DCDC2C: variants seen among roughly 807,000 people sequenced by gnomAD.
The protein encoded by DCDC2C is doublecortin domain-containing protein 2C.
In DCDC2C, 44 loss-of-function variants were observed where a neutral mutation model predicts 45.0. The ratio of observed to expected loss-of-function variants is 0.98; its 90% CI spans 0.77 to 1.26. DCDC2C has a LOEUF of 1.26. Ranked by LOEUF, DCDC2C falls within the 50% of genes most tolerant of loss-of-function variation. DCDC2C has a pLI of 0.00. For synonymous variants in DCDC2C, 187 were observed against 178.8 expected (o/e 1.05, Z -0.37); for missense variants, 447 against 468.9 (o/e 0.95, Z 0.43).
intron 10 of DCDC2C, among the ~76,000 whole-genome samples, chr2:3,821,467 A>C (rs745676261): frequency 1.3e-5 from 2 of 152,164 alleles, no homozygotes; most frequent in African/African-American, 4.8e-5. Context: ...CTTCCTCCTG[A>C]TCATAAGGGG....
rs576377682 is a variant in DCDC2C, at chr2:3,706,451, G to A, written c.288-2098G>A. ...AATAATTACTTTTCAAAACAATGACGTGTCATATAAAGCCTAGAATTAATA... is the reference window on the plus strand; with the variant it reads ...AATAATTACTTTTCAAAACAATGACATGTCATATAAAGCCTAGAATTAATA... On this transcript the variant is annotated intron_variant, in intron 1 of 10. Transcript: ENST00000399143. 2.4e-3 allele frequency among the ~76,000 whole-genome samples: 367 copies of A among 152,166 alleles called. 3 individuals carry two copies. Among genetic ancestry groups the A allele is most frequent in the African/African-American group, 8.6e-3 (359 of 41,510 alleles).
chr2:3,844,614 C>T (rs996612110), intron 10 of DCDC2C: 4 of 152,160 alleles, frequency 2.6e-5, no homozygotes, highest in Admixed American at 1.3e-4. Context: ...AAAATAAAAG[C>T]GGACATTTTT....
intron 10 of DCDC2C, among the ~76,000 whole-genome samples, chr2:3,808,297 C>CT (rs1460368124): frequency 1.3e-5 from 2 of 152,182 alleles, no homozygotes; most frequent in Non-Finnish European, 2.9e-5. Context: ...CATTGCGCAT[C>CT]TTTTCATACG....
rs1435253096 is a variant in DCDC2C, at chr2:3,703,955, TG to T, written c.207del (p.His70ThrfsTer31). On this transcript the variant is annotated frameshift_variant, in exon 1 of 11. Transcript: ENST00000399143. LOFTEE classifies it high-confidence loss of function. The surrounding 1 kb of genome is among the most constrained non-coding windows in gnomAD (Gnocchi z 4.4). ...TGCGCCGCCTCTTCACGCCCACGCG[TG>T]GGCACCGGGTGCTGGGGCTGGACGC... ...GVRRLFTPTR[G>X]HRVLGLDALQ... 2 of 1,316,840 alleles carry T rather than the reference TG, an allele frequency of 1.5e-6. No homozygotes were observed. Among genetic ancestry groups the T allele is most frequent in the South Asian group, 2.1e-5 (1 of 48,676 alleles). 81.6% of individuals were successfully genotyped at this position (1,316,840 alleles called of 1,614,324 possible).
chr2:3,816,968 G>C (rs1671573106), intron 10 of DCDC2C, among the ~76,000 whole-genome samples: 1 of 152,208 alleles, frequency 6.6e-6, no homozygotes, highest in Non-Finnish European at 1.5e-5. Flanking sequence ...ACATGGAAGA[G>C]GTTACGAAAT....
Position 3,818,003 on chromosome 2 carries a change from T to A in DCDC2C, c.1066-29151T>A, listed in dbSNP as rs1305880364. Among the ~76,000 whole-genome samples, 1 of 151,964 alleles carries A rather than the reference T, an allele frequency of 6.6e-6. No homozygotes were observed. Among genetic ancestry groups the A allele is most frequent in the Non-Finnish European group, 1.5e-5 (1 of 67,988 alleles). ...CCGGACACAATCAGCAGGGAGAGCA[T>A]GTGTGTTTTCATGAAGAATTATGCC... On this transcript the variant is annotated intron_variant, in intron 10 of 10. Coordinates refer to ENST00000399143, the MANE Select transcript of DCDC2C (RefSeq NM_001287444.2). This position sits in a 1 kb window ranked among gnomAD's most constrained non-coding sequence, Gnocchi z 4.7.
rs2148041262 is a variant in DCDC2C, at chr2:3,708,589, A to G, written c.328A>G (p.Lys110Glu). Residue 110 changes from lysine (K) to glutamate (E), a missense_variant, in exon 2 of 11, where the codon AAG becomes GAG. Coordinates refer to ENST00000399143, the MANE Select transcript of DCDC2C (RefSeq NM_001287444.2). ...IVPRKPAKIRKLKEIKPVVHC... is the reference protein window; with the variant it reads ...IVPRKPAKIRELKEIKPVVHC... ...TCCCCGAAAACCTGCAAAGATAAGG[A>G]AGTTGAAGGAAGTAAGTGTTTGCTT... The G allele has an allele frequency of 6.5e-7, 1 of 1,549,010 alleles. No homozygotes were observed. The highest frequency in any genetic ancestry group is 1.4e-5 in the African/African-American group (1 of 73,134).
At chr2:3,752,735 A>G (rs1052666207) in intron 4 of DCDC2C, 28 bp from the exon 5 acceptor site, 10 of 1,549,532 alleles carry the variant, frequency 6.5e-6, no homozygotes, top group Non-Finnish European at 8.7e-6. Flanking sequence ...TCAAGTCTCT[A>G]TCTCATTTCT....
intron 10 of DCDC2C, among the ~76,000 whole-genome samples, chr2:3,806,311 C>G (rs1671241934): frequency 6.6e-6 from 1 of 152,238 alleles, no homozygotes; most frequent in Non-Finnish European, 1.5e-5. Flanking sequence ...TCTCCTCTCC[C>G]TGGAATCCCC....
chr2:3,828,822 T>C (rs1671887016), intron 10 of DCDC2C, among the ~76,000 whole-genome samples: 1 of 152,212 alleles, frequency 6.6e-6, no homozygotes, highest in South Asian at 2.1e-4. Flanking sequence ...TTTTGTGAGT[T>C]TGCAAGTTTC....
intron 6 of DCDC2C, among the ~76,000 whole-genome samples, chr2:3,755,421 GTGTA>G (rs1458292185): frequency 6.6e-6 from 1 of 152,128 alleles, no homozygotes; most frequent in Non-Finnish European, 1.5e-5. Context: ...AAATACATGT[GTGTA>G]TGGAGGCATG....
Position 3,703,723 on chromosome 2 carries a change from C to T in DCDC2C, c.-29C>T, listed in dbSNP as rs115046948. On this transcript the variant is annotated 5_prime_UTR_variant, in exon 1 of 11. Transcript: ENST00000399143. This position sits in a 1 kb window ranked among gnomAD's most constrained non-coding sequence, Gnocchi z 4.4. The stretch of plus-strand genomic sequence containing the variant: ...TGCCCGCGCTGCCGCAGCCTCTCGG[C>T]CCCGGCGAGCGAGGAGCGGGGCGCG... 4,853 of 1,227,756 alleles carry T rather than the reference C, an allele frequency of 4.0e-3. 167 individuals carry two copies. The African/African-American group carries it at 0.068, about 17-fold the overall frequency. The allele number at this position is 1,227,756 out of a possible 1,614,324, so 76.1% of individuals were successfully genotyped here. A position where few individuals can be genotyped will look rare whatever the true frequency, so the allele number is the denominator to read the frequency against.
chr2:3,813,039 GTATATATATATA>G (rs202152340), intron 10 of DCDC2C, among the ~76,000 whole-genome samples: 3,665 of 87,414 alleles, frequency 0.042, 138 homozygotes, highest in South Asian at 0.063. Flanking sequence ...TGAGAAGAAC[GTATATATATATA>G]TATATATATA....
intron 10 of DCDC2C, among the ~76,000 whole-genome samples, chr2:3,829,803 A>C (rs1013972): frequency 0.45 from 68,375 of 151,978 alleles, 15,436 homozygotes; most frequent in East Asian, 0.57. Flanking sequence ...CTCTCTCACC[A>C]CTCACAGAAT....
At chr2:3,783,770 T>C (rs963218711) in intron 9 of DCDC2C, among the ~76,000 whole-genome samples, 18 of 152,140 alleles carry the variant, frequency 1.2e-4, no homozygotes, top group African/African-American at 4.3e-4. Flanking sequence ...GTGGCCCCAG[T>C]AGAGGGGACT....
chr2:3,799,617 G>A (rs1367319817), intron 10 of DCDC2C, among the ~76,000 whole-genome samples: 2 of 136,062 alleles, frequency 1.5e-5, no homozygotes, highest in African/African-American at 2.7e-5. Context: ...GTCTGTTGGA[G>A]TACCTGGCCA....
At chr2:3,831,886 TG>T (rs1297513168) in intron 10 of DCDC2C, among the ~76,000 whole-genome samples, 2 of 152,232 alleles carry the variant, frequency 1.3e-5, no homozygotes, top group African/African-American at 4.8e-5. Context: ...ATCTAAAGGC[TG>T]AAAATGAAAA....
At chr2:3,794,286 A>G (rs1370652890) in intron 10 of DCDC2C, among the ~76,000 whole-genome samples, 2 of 152,218 alleles carry the variant, frequency 1.3e-5, no homozygotes. Context: ...CATCTTTAGA[A>G]AAGACTTTTA....
intron 6 of DCDC2C, among the ~76,000 whole-genome samples, chr2:3,759,140 G>A (rs2148137088): frequency 6.6e-6 from 1 of 152,264 alleles, no homozygotes; most frequent in East Asian, 1.9e-4. Flanking sequence ...CAGAGATGAG[G>A]GCGGGGCATC....
Sources: allele counts gnomAD v4.1 joint callset (sites outside exome capture counted in the v4.1 genomes callset), GRCh38; gene constraint gnomAD v4.1.1; non-coding constraint Gnocchi (gnomAD v3.1); transcripts MANE v1.5; gene names NCBI Gene and HGNC (gene_info 2026-07-23, HGNC 2026-07-21).